SHPRH: variants seen among roughly 807,000 people sequenced by gnomAD.
SHPRH encodes the protein E3 ubiquitin-protein ligase SHPRH.
A neutral mutation model predicts 202.5 loss-of-function variants in SHPRH; 106 were observed. That is an observed-to-expected ratio of 0.52 (90% CI 0.45 to 0.62). SHPRH has a LOEUF of 0.62. Among genes scored for constraint, SHPRH ranks in the 20% least tolerant of loss-of-function variants. The pLI is 0.00. For synonymous variants in SHPRH, 729 were observed against 686.0 expected (o/e 1.06, Z -0.98); for missense variants, 1,710 against 2,020.0 (o/e 0.85, Z 2.94).
At chr6:145,952,611 C>T (rs890528429) in intron 2 of SHPRH, 133 bp from the exon 3 acceptor site, 4 of 707,900 alleles carry the variant, frequency 5.7e-6, no homozygotes, top group African/African-American at 1.8e-5. Context: ...ACAATAAATA[C>T]ATGCCTACCA....
intron 1 of SHPRH, among the ~76,000 whole-genome samples, chr6:145,959,409 C>G (rs541770458): frequency 6.6e-6 from 1 of 152,192 alleles, no homozygotes; most frequent in South Asian, 2.1e-4. Context: ...GTATCCAGTA[C>G]CGAATATACT....
chr6:145,893,443 A>G (rs1401620304), intron 27 of SHPRH, 50 bp from the exon 28 acceptor site: 3 of 1,492,442 alleles, frequency 2.0e-6, no homozygotes, highest in Admixed American at 2.4e-5. Context: ...TTAAAATAAG[A>G]GCAGTATGTA....
intron 25 of SHPRH, chr6:145,910,152 C>A: frequency 4.1e-6 from 1 of 241,350 alleles, no homozygotes; most frequent in South Asian, 1.4e-4. Flanking sequence ...CCTCTGTCTA[C>A]TTGTGGTGGA....
intron 28 of SHPRH, among the ~76,000 whole-genome samples, chr6:145,888,456 G>A (rs1339251171): frequency 6.6e-6 from 1 of 152,126 alleles, no homozygotes; most frequent in East Asian, 1.9e-4. Flanking sequence ...CAGTCCCCGG[G>A]AAGGGAATAT....
chr6:145,948,508 G>C (rs1005409641), intron 4 of SHPRH, among the ~76,000 whole-genome samples, 158 bp from the exon 5 acceptor site: 1 of 151,886 alleles, frequency 6.6e-6, no homozygotes, highest in African/African-American at 2.4e-5. Flanking sequence ...CTTAACACAT[G>C]AGTAAAAAGC....
At chr6:145,929,634 G>A (rs888924873) in intron 14 of SHPRH, among the ~76,000 whole-genome samples, 17 of 151,900 alleles carry the variant, frequency 1.1e-4, no homozygotes, top group Non-Finnish European at 1.9e-4. Flanking sequence ...AATTCAGAAG[G>A]AACATATCCT....
intron 14 of SHPRH, 42 bp downstream of exon 14, chr6:145,933,015 G>T: frequency 6.3e-7 from 1 of 1,587,528 alleles, no homozygotes; most frequent in Non-Finnish European, 8.6e-7. Flanking sequence ...CCTTCCTCAG[G>T]AAGTGTTTGA....
At chr6:145,913,405 A>C in intron 24 of SHPRH, 73 bp downstream of exon 24, 1 of 1,395,638 alleles carries the variant, frequency 7.2e-7, no homozygotes, top group Admixed American at 2.0e-5. Context: ...AAACGAGAGA[A>C]AGATTTTATG....
intron 2 of SHPRH, among the ~76,000 whole-genome samples, chr6:145,866,250 G>C (rs1779775405): frequency 6.6e-6 from 1 of 152,144 alleles, no homozygotes; most frequent in African/African-American, 2.4e-5. Flanking sequence ...TTCCCTCATT[G>C]AATGTGTTAA....
intron 28 of SHPRH, among the ~76,000 whole-genome samples, chr6:145,888,539 G>C (rs1227042055): frequency 1.3e-5 from 2 of 152,170 alleles, no homozygotes; most frequent in African/African-American, 4.8e-5. Flanking sequence ...GTAAGCGAGG[G>C]AGAGAGGTGA....
intron 9 of SHPRH, among the ~76,000 whole-genome samples, chr6:145,942,234 T>C (rs1311644442): frequency 2.0e-5 from 3 of 152,182 alleles, no homozygotes; most frequent in African/African-American, 7.2e-5. Context: ...ATCAATAGCA[T>C]ATGTGAAAGC....
intron 28 of SHPRH, 94 bp from the exon 29 acceptor site, chr6:145,888,194 G>T: frequency 1.2e-6 from 1 of 855,134 alleles, no homozygotes. Context: ...TCATCAGTCA[G>T]TTGGTGCCCA....
chr6:145,885,458 G>T lies in SHPRH; in HGVS notation c.*1233C>A, dbSNP rs371432176. The stretch of plus-strand genomic sequence containing the variant: ...AATGGGATCTAGGGAATGGTTCTAT[G>T]AGTTTTCCAGGCAGCTAACTGGGAG... On this transcript the variant is annotated 3_prime_UTR_variant, in exon 30 of 30. Transcript: ENST00000275233. 1 of 152,360 alleles carries T rather than the reference G, an allele frequency of 6.6e-6. No homozygotes were observed. The highest frequency in any genetic ancestry group is 2.4e-5 in the African/African-American group (1 of 41,442). 9.4% of individuals were successfully genotyped at this position (152,360 alleles called of 1,614,324 possible). A position where few individuals can be genotyped will look rare whatever the true frequency, so the allele number is the denominator to read the frequency against.
intron 2 of SHPRH, among the ~76,000 whole-genome samples, chr6:145,953,772 G>A (rs1423854019): frequency 6.6e-6 from 1 of 151,952 alleles, no homozygotes; most frequent in African/African-American, 2.4e-5. Context: ...AGAAGAATGG[G>A]TATTATTTAC....
intron 21 of SHPRH, among the ~76,000 whole-genome samples, chr6:145,919,769 CTCT>C (rs1583397419): frequency 1.3e-5 from 2 of 152,046 alleles, no homozygotes; most frequent in Non-Finnish European, 2.9e-5. Flanking sequence ...CTGACAGAAT[CTCT>C]TGTTTTATTT....
Position 145,935,265 on chromosome 6 carries a change from T to A in SHPRH, c.2733+13A>T. On this transcript the variant is annotated intron_variant, in intron 12 of 29. Transcript: ENST00000275233. ...TTATAGTACCTTTATCAATAAAAAC[T>A]TATTGTACTGACTTGGTCAATCACA... 2 of 1,613,452 alleles carry A rather than the reference T, an allele frequency of 1.2e-6. No homozygotes were observed. Among genetic ancestry groups the A allele is most frequent in the Non-Finnish European group, 1.7e-6 (2 of 1,179,850 alleles).
At chr6:145,881,844 C>G (rs1368468441), downstream of SHPRH, among the ~76,000 whole-genome samples, 1 of 152,124 alleles carries the variant, frequency 6.6e-6, no homozygotes, top group African/African-American at 2.4e-5. Context: ...AGGTGGTTTA[C>G]TGTAATCCCA....
At chr6:145,954,659 C>G (rs754869535) in intron 2 of SHPRH, 31 bp downstream of exon 2, 1 of 1,534,688 alleles carries the variant, frequency 6.5e-7, no homozygotes, top group Admixed American at 2.2e-5. Flanking sequence ...GTAGAAGAGC[C>G]TCAAAAAAGA....
chr6:145,898,447 ATT>A (rs35680118), intron 25 of SHPRH, among the ~76,000 whole-genome samples: 40,785 of 151,876 alleles, frequency 0.27, 5,911 homozygotes, highest in South Asian at 0.37. Flanking sequence ...TTCTGATGAC[ATT>A]TTTCACAGAA....
Sources: allele counts gnomAD v4.1 joint callset (sites outside exome capture counted in the v4.1 genomes callset), GRCh38; gene constraint gnomAD v4.1.1; transcripts MANE v1.5; gene names NCBI Gene and HGNC (gene_info 2026-07-23, HGNC 2026-07-21).